The following DERL1 variants were observed in gnomAD, a reference collection of about 807,000 sequenced individuals.
DERL1 encodes the protein derlin 1, also known as derlin-1.
Under a neutral mutation model 41.6 loss-of-function variants are expected in DERL1, and 24 were observed. That is an observed-to-expected ratio of 0.58 (90% CI 0.42 to 0.81). The LOEUF is 0.81. DERL1 is among the 30% of genes least tolerant of loss of function. DERL1 has a pLI of 0.00. For missense variants in DERL1, 260 were observed against 314.3 expected (o/e 0.83, Z 1.31); for synonymous variants, 124 against 112.5 (o/e 1.10, Z -0.65).
intron 2 of DERL1, among the ~76,000 whole-genome samples, chr8:123,027,152 G>C (rs1812715686): frequency 6.6e-6 from 1 of 151,988 alleles, no homozygotes; most frequent in Non-Finnish European, 1.5e-5. Context: ...AAATTAGCCA[G>C]ATGTGGTGGT....
chr8:123,038,520 G>T (rs372327115), intron 1 of DERL1, among the ~76,000 whole-genome samples: 1 of 152,226 alleles, frequency 6.6e-6, no homozygotes, highest in Admixed American at 6.5e-5. Flanking sequence ...CAAAATTGTG[G>T]AAGATGTGAC....
chr8:123,025,158 T>C, intron 2 of DERL1, 108 bp from the exon 3 acceptor site: 1 of 1,145,780 alleles, frequency 8.7e-7, no homozygotes, highest in Non-Finnish European at 1.2e-6. Context: ...AATGAGAACA[T>C]TTTAAAAACC....
intron 1 of DERL1, among the ~76,000 whole-genome samples, chr8:123,039,723 G>A (rs1036631560): frequency 4.6e-5 from 7 of 152,074 alleles, no homozygotes; most frequent in African/African-American, 1.7e-4. Context: ...AACCTTTTCA[G>A]TCCTATTTAC....
chr8:123,021,790 A>G (rs1812551872), intron 5 of DERL1, among the ~76,000 whole-genome samples: 1 of 152,230 alleles, frequency 6.6e-6, no homozygotes. Flanking sequence ...AGCTTCAAAA[A>G]GCAGATGAGT....
chr8:123,041,031 G>C (rs533715800), intron 1 of DERL1, among the ~76,000 whole-genome samples: 1 of 152,210 alleles, frequency 6.6e-6, no homozygotes, highest in East Asian at 1.9e-4. Flanking sequence ...GTAAAGCCCT[G>C]AGGCTGAATG....
intron 2 of DERL1, among the ~76,000 whole-genome samples, chr8:123,028,259 A>C (rs1317962771): frequency 1.3e-5 from 2 of 152,178 alleles, no homozygotes; most frequent in East Asian, 1.9e-4. Flanking sequence ...ATTGGCTATG[A>C]GATAACTATT....
intron 1 of DERL1, among the ~76,000 whole-genome samples, chr8:123,040,248 AGGATAAG>A (rs1342972778): frequency 1.3e-5 from 2 of 152,196 alleles, no homozygotes; most frequent in Non-Finnish European, 2.9e-5. Flanking sequence ...AGAAAAATGA[AGGATAAG>A]GGATAAGGGA....
intron 5 of DERL1, 96 bp from the exon 6 acceptor site, chr8:123,021,595 G>A: frequency 9.2e-7 from 1 of 1,087,712 alleles, no homozygotes; most frequent in Non-Finnish European, 1.4e-6. Context: ...CACTGACAAG[G>A]GCTTTATATA....
chr8:123,036,024 C>T (rs953047271), intron 1 of DERL1, among the ~76,000 whole-genome samples: 1 of 151,858 alleles, frequency 6.6e-6, no homozygotes, highest in African/African-American at 2.4e-5. Flanking sequence ...GGAGACACAA[C>T]GGGTAGGCAA....
At chr8:123,033,166 T>C (rs74743501) in intron 1 of DERL1, among the ~76,000 whole-genome samples, 21 of 152,286 alleles carry the variant, frequency 1.4e-4, no homozygotes, top group African/African-American at 4.8e-4. Flanking sequence ...CCTAGCCTAG[T>C]TTCTATTCCT....
chr8:123,038,310 C>T, intron 1 of DERL1, among the ~76,000 whole-genome samples: 1 of 152,204 alleles, frequency 6.6e-6, no homozygotes, highest in Non-Finnish European at 1.5e-5. Flanking sequence ...AGCAGCCTCT[C>T]AAATGCAGTT....
chr8:123,030,568 AAAGAAAC>A (rs1348438630), intron 2 of DERL1, 30 bp downstream of exon 2: 1 of 1,433,274 alleles, frequency 7.0e-7, no homozygotes, highest in Non-Finnish European at 9.6e-7. Flanking sequence ...AGTAAATGAG[AAAGAAAC>A]AATGCTTAAA....
intron 7 of DERL1, chr8:123,017,035 T>A (rs1158840933): frequency 6.6e-6 from 1 of 152,150 alleles, no homozygotes; most frequent in East Asian, 1.9e-4. Context: ...AGCCAGGGTT[T>A]CACCATGTTA....
chr8:123,030,477 C>T, intron 2 of DERL1, 128 bp downstream of exon 2: 1 of 642,060 alleles, frequency 1.6e-6, no homozygotes, highest in South Asian at 2.2e-5. Context: ...GGCACAGTCA[C>T]TAAGCATTTA....
intron 2 of DERL1, among the ~76,000 whole-genome samples, chr8:123,028,878 G>A (rs563117247): frequency 1.3e-5 from 2 of 152,116 alleles, no homozygotes; most frequent in South Asian, 4.2e-4. Context: ...ACCAGGCTGG[G>A]CAACATGGTG....
intron 6 of DERL1, 62 bp downstream of exon 6, chr8:123,021,385 T>C (rs924711445): frequency 3.4e-6 from 5 of 1,476,216 alleles, no homozygotes; most frequent in Non-Finnish European, 4.7e-6. Context: ...TAGAGAAAGA[T>C]AAAAACTAAT....
intron 3 of DERL1, 32 bp from the exon 4 acceptor site, chr8:123,023,771 A>C (rs746939523): frequency 6.2e-7 from 1 of 1,609,188 alleles, no homozygotes; most frequent in South Asian, 1.1e-5. Flanking sequence ...TCAGACATAA[A>C]AAAGCATTCT....
intron 6 of DERL1, among the ~76,000 whole-genome samples, chr8:123,020,623 T>TA (rs1328252109): frequency 6.6e-6 from 1 of 151,596 alleles, no homozygotes; most frequent in African/African-American, 2.4e-5. Context: ...TCCTGACCAA[T>TA]AGACTAGATA....
intron 7 of DERL1, chr8:123,017,996 G>A (rs1330777798): frequency 2.0e-5 from 3 of 152,014 alleles, no homozygotes; most frequent in Admixed American, 2.0e-4. Flanking sequence ...CCACCAATAT[G>A]GTATATCTCT....
Sources: gnomAD v4.1 joint callset for allele counts (sites outside exome capture counted in the v4.1 genomes callset) on GRCh38, gnomAD v4.1.1 for gene constraint, MANE v1.5 for transcripts, NCBI Gene and HGNC (gene_info 2026-07-23, HGNC 2026-07-21) for gene names.